CDH4: variants seen among roughly 807,000 people sequenced by gnomAD.
CDH4 encodes the protein cadherin-4.
A neutral mutation model predicts 86.0 loss-of-function variants in CDH4; 33 were observed. The ratio of observed to expected loss-of-function variants is 0.38; its 90% confidence interval spans 0.29 to 0.51. The LOEUF is 0.51. Among genes scored for constraint, CDH4 ranks in the 20% least tolerant of loss-of-function variants. The pLI, the probability that CDH4 is intolerant of heterozygous loss-of-function variation, is 0.86. For missense variants in CDH4, 1,114 were observed against 1,307.4 expected, an observed-to-expected ratio of 0.85 and a Z score of 2.28; for synonymous variants, 555 against 549.4, an observed-to-expected ratio of 1.01 and a Z score of -0.14.
intron 2 of CDH4, among the ~76,000 whole-genome samples, chr20:61,688,639 C>G (rs1245530178): frequency 6.6e-6 from 1 of 152,268 alleles, no homozygotes; most frequent in Non-Finnish European, 1.5e-5. Context: ...AGAGCCCAGG[C>G]TCCCTGACTC....
intron 2 of CDH4, among the ~76,000 whole-genome samples, chr20:61,588,920 G>T (rs890442369): frequency 6.6e-6 from 1 of 152,164 alleles, no homozygotes; most frequent in African/African-American, 2.4e-5. Context: ...CTTCTGTACC[G>T]CTCCGAGCGC....
chr20:61,364,292 G>A (rs1357548498), intron 2 of CDH4, among the ~76,000 whole-genome samples: 2 of 152,174 alleles, frequency 1.3e-5, no homozygotes, highest in African/African-American at 2.4e-5. Context: ...CACAAGCCGT[G>A]GGGGTGGAGC....
chr20:61,379,753 C>G (rs1433469384), intron 2 of CDH4, among the ~76,000 whole-genome samples: 1 of 152,166 alleles, frequency 6.6e-6, no homozygotes, highest in Non-Finnish European at 1.5e-5. Flanking sequence ...ACGGTTTAAC[C>G]AACTCTACCC....
intron 4 of CDH4, among the ~76,000 whole-genome samples, chr20:61,827,877 T>C (rs1298315147): frequency 1.3e-5 from 2 of 152,206 alleles, no homozygotes; most frequent in Non-Finnish European, 2.9e-5. Context: ...GTGTAGCAAT[T>C]GCAACAGATG....
intron 2 of CDH4, among the ~76,000 whole-genome samples, chr20:61,332,077 T>C (rs1433027145): frequency 6.6e-6 from 1 of 152,194 alleles, no homozygotes; most frequent in Non-Finnish European, 1.5e-5. Flanking sequence ...GGCTGGCTCC[T>C]GGCTGAGAAC....
chr20:61,545,374 C>G (rs1324088778), intron 2 of CDH4, among the ~76,000 whole-genome samples: 1 of 152,202 alleles, frequency 6.6e-6, no homozygotes, highest in Admixed American at 6.5e-5. Context: ...GGAACTTTGG[C>G]CAGCCTGTCG....
chr20:61,851,887 C>T (rs1982741822), intron 5 of CDH4, among the ~76,000 whole-genome samples: 1 of 152,266 alleles, frequency 6.6e-6, no homozygotes, highest in Non-Finnish European at 1.5e-5. Context: ...AGGGCAGCCA[C>T]ACTGCCTTCA....
At chr20:61,795,868 T>C (rs1372561880) in intron 4 of CDH4, among the ~76,000 whole-genome samples, 2 of 152,162 alleles carry the variant, frequency 1.3e-5, no homozygotes. Context: ...AATGAATGAG[T>C]GGATGGAGGA....
intron 2 of CDH4, among the ~76,000 whole-genome samples, chr20:61,706,898 A>G (rs996976194): frequency 3.3e-5 from 5 of 152,240 alleles, no homozygotes; most frequent in Non-Finnish European, 5.9e-5. Flanking sequence ...CAATCCCCGC[A>G]GAGGGCTGAA....
chr20:61,598,013 A>C (rs974665686), intron 2 of CDH4, among the ~76,000 whole-genome samples: 1 of 152,336 alleles, frequency 6.6e-6, no homozygotes, highest in Non-Finnish European at 1.5e-5. Flanking sequence ...AAGCCCCTTT[A>C]GGGCTCCTGA....
intron 15 of CDH4, among the ~76,000 whole-genome samples, chr20:61,935,927 A>G (rs1738023411): frequency 6.6e-6 from 1 of 152,172 alleles, no homozygotes; most frequent in South Asian, 2.1e-4. Flanking sequence ...ACTGTTAGAT[A>G]GGTCTTAGGA....
intron 2 of CDH4, among the ~76,000 whole-genome samples, chr20:61,383,092 T>C (rs1489024892): frequency 1.0e-5 from 1 of 97,134 alleles, no homozygotes; most frequent in Non-Finnish European, 2.1e-5. Context: ...TATATGAATA[T>C]ATATATGAAT....
intron 14 of CDH4, 152 bp downstream of exon 14, chr20:61,933,276 T>G (rs2055136625): frequency 5.2e-6 from 5 of 960,070 alleles, no homozygotes; most frequent in Non-Finnish European, 7.6e-6. Flanking sequence ...TTTCCTAGCC[T>G]GGGCTGAGCT....
chr20:61,476,443 G>A (rs550109249), intron 2 of CDH4, among the ~76,000 whole-genome samples: 3 of 152,288 alleles, frequency 2.0e-5, no homozygotes, highest in Non-Finnish European at 2.9e-5. Context: ...TCTAAACGTA[G>A]ACACAACACA....
intron 2 of CDH4, among the ~76,000 whole-genome samples, chr20:61,602,694 T>TAAAAAAAAAAAA (rs10641053): frequency 1.1e-5 from 1 of 89,128 alleles, no homozygotes; most frequent in Admixed American, 1.4e-4. Context: ...TTCACTTTAT[T>TAAAAAAAAAAAA]AAAAAAAAAA....
At chr20:61,753,691 C>CA (rs1027632577) in intron 3 of CDH4, among the ~76,000 whole-genome samples, 13 of 152,062 alleles carry the variant, frequency 8.5e-5, no homozygotes, top group Admixed American at 3.9e-4. Context: ...GTATGGTTTG[C>CA]AAAAAAAGAA....
At chr20:61,884,189 G>A (rs1241277191) in intron 7 of CDH4, among the ~76,000 whole-genome samples, 2 of 152,190 alleles carry the variant, frequency 1.3e-5, no homozygotes, top group Non-Finnish European at 2.9e-5. Flanking sequence ...CAGAGGCTCT[G>A]GGCCACCAGT....
chr20:61,639,324 C>T (rs191834985), intron 2 of CDH4, among the ~76,000 whole-genome samples: 4 of 152,088 alleles, frequency 2.6e-5, no homozygotes, highest in East Asian at 1.9e-4. Flanking sequence ...CCTTTGGAGG[C>T]GGGGGGCAAG....
At chr20:61,686,535 GTA>G (rs1388448486) in intron 2 of CDH4, among the ~76,000 whole-genome samples, 4 of 151,800 alleles carry the variant, frequency 2.6e-5, no homozygotes, top group Non-Finnish European at 4.4e-5. Flanking sequence ...GTGCATTTGT[GTA>G]TGTGTGCATT....
Sources: allele counts gnomAD v4.1 joint callset (sites outside exome capture counted in the v4.1 genomes callset), GRCh38; gene constraint gnomAD v4.1.1; transcripts MANE v1.5; gene names NCBI Gene and HGNC (gene_info 2026-07-23, HGNC 2026-07-21).